The following ZNF804B variants were observed in gnomAD, a reference collection of about 807,000 sequenced individuals.
ZNF804B encodes the protein zinc finger protein 804B.
ZNF804B carries 80 observed loss-of-function variants against 101.4 expected under a neutral mutation model. The ratio of observed to expected loss-of-function variants is 0.79; its 90% CI spans 0.66 to 0.95. The LOEUF is 0.95. ZNF804B is among the 40% of genes least tolerant of loss of function. The probability of loss-of-function intolerance (pLI) is 0.00; values close to 1 mark genes in which losing one functional copy is unlikely to be tolerated. For missense variants in ZNF804B, 1,673 were observed against 1,561.9 expected, an observed-to-expected ratio of 1.07 and a Z score of -1.20; for synonymous variants, 622 against 558.8, an observed-to-expected ratio of 1.11 and a Z score of -1.59.
At chr7:89,326,444 T>C (rs144195233) in intron 2 of ZNF804B, among the ~76,000 whole-genome samples, 1 of 152,210 alleles carries the variant, frequency 6.6e-6, no homozygotes, top group East Asian at 1.9e-4. Flanking sequence ...GTTTTCTCCA[T>C]ACCTGGGAAA....
intron 2 of ZNF804B, among the ~76,000 whole-genome samples, chr7:89,262,655 A>T (rs1789728298): frequency 6.6e-6 from 1 of 152,032 alleles, no homozygotes. Context: ...TTGCATTATG[A>T]GCTACTAGGC....
At chr7:89,055,087 G>C (rs534752039) in intron 1 of ZNF804B, among the ~76,000 whole-genome samples, 1 of 152,224 alleles carries the variant, frequency 6.6e-6, no homozygotes, top group East Asian at 1.9e-4. Flanking sequence ...GTGATGTTAA[G>C]TGTTGACTTA....
intron 1 of ZNF804B, among the ~76,000 whole-genome samples, chr7:88,993,203 T>C (rs1302472266): frequency 2.0e-5 from 3 of 152,050 alleles, no homozygotes; most frequent in Non-Finnish European, 4.4e-5. Flanking sequence ...CTTTGGAATA[T>C]TGTTATATCC....
intron 2 of ZNF804B, among the ~76,000 whole-genome samples, chr7:89,227,102 C>T (rs1364958482): frequency 6.6e-6 from 1 of 152,190 alleles, no homozygotes; most frequent in Non-Finnish European, 1.5e-5. Context: ...CTGGATTACA[C>T]TTCTTGTTTC....
chr7:89,157,190 A>G (rs1468887540), intron 1 of ZNF804B, among the ~76,000 whole-genome samples: 1 of 152,216 alleles, frequency 6.6e-6, no homozygotes, highest in Non-Finnish European at 1.5e-5. Flanking sequence ...TTTAGGTTGG[A>G]CATAGTTAGG....
Position 88,777,287 on chromosome 7 carries a change from T to C in ZNF804B, c.108+17203T>C, listed in dbSNP as rs114387800. ...CCGCCAAAACTCATGAGCGCTAAGA[T>C]GCTAAGGCAGTTGGACACAGAAGCA... On this transcript the variant is annotated intron_variant, in intron 1 of 3. Transcript: ENST00000333190. Among the ~76,000 whole-genome samples, 293 of 152,326 alleles carry C rather than the reference T, an allele frequency of 1.9e-3. 1 individual carries two copies. Among genetic ancestry groups the C allele is most frequent in the African/African-American group, 6.8e-3 (283 of 41,570 alleles).
chr7:88,820,566 A>C (rs73705542), intron 1 of ZNF804B, among the ~76,000 whole-genome samples: 2,009 of 152,258 alleles, frequency 0.013, 49 homozygotes, highest in African/African-American at 0.046. Context: ...GCAGTTGTTA[A>C]GTCACTTGAA....
chr7:89,164,087 T>G (rs1584026175), intron 1 of ZNF804B, among the ~76,000 whole-genome samples: 1 of 152,178 alleles, frequency 6.6e-6, no homozygotes, highest in East Asian at 1.9e-4. Flanking sequence ...GGTTTTAAAA[T>G]GTACCACCGA....
intron 1 of ZNF804B, among the ~76,000 whole-genome samples, chr7:88,775,738 C>G (rs1790131940): frequency 6.6e-6 from 1 of 152,192 alleles, no homozygotes; most frequent in South Asian, 2.1e-4. Context: ...CGAGGCAACT[C>G]TCCTCATTCC....
intron 1 of ZNF804B, among the ~76,000 whole-genome samples, chr7:89,149,280 G>T (rs2116403086): frequency 6.6e-6 from 1 of 152,174 alleles, no homozygotes; most frequent in Non-Finnish European, 1.5e-5. Context: ...TGCCACTCAT[G>T]AACTTACTTG....
At chr7:89,215,883 C>CAAAATAAATAAATAAATAAATAAATAAA in intron 1 of ZNF804B, among the ~76,000 whole-genome samples, 1 of 143,164 alleles carries the variant, frequency 7.0e-6, no homozygotes, top group East Asian at 2.1e-4. Flanking sequence ...GACTCCGTCT[C>CAAAATAAATAAATAAATAAATAAATAAA]TAAATAAATA....
intron 1 of ZNF804B, among the ~76,000 whole-genome samples, chr7:88,807,056 A>C (rs887192364): frequency 2.6e-5 from 4 of 152,210 alleles, no homozygotes; most frequent in African/African-American, 7.2e-5. Context: ...GTGACTTAAA[A>C]AATGAAAAAT....
intron 1 of ZNF804B, among the ~76,000 whole-genome samples, chr7:88,885,549 T>C (rs1396735710): frequency 6.6e-6 from 1 of 151,018 alleles, no homozygotes; most frequent in Non-Finnish European, 1.5e-5. Flanking sequence ...TTTCCTAAGT[T>C]TGGACCATAT....
rs1586890977 is a variant in ZNF804B, at chr7:88,759,815, G to C, written c.-162G>C. Reference sequence around the variant, plus strand: ...GCTGTCGGCAGCAGGAGCCCCGCACGGGGCGCGGAGCAGGGACGCGCTGCC... The same window carrying C: ...GCTGTCGGCAGCAGGAGCCCCGCACCGGGCGCGGAGCAGGGACGCGCTGCC... On this transcript the variant is annotated 5_prime_UTR_variant, in exon 1 of 4. Coordinates refer to ENST00000333190, the MANE Select transcript of ZNF804B (RefSeq NM_181646.5). 3.2e-6 allele frequency: 2 copies of C among 617,352 alleles called. No homozygotes were observed. The highest frequency in any genetic ancestry group is 5.7e-6 in the Non-Finnish European group (2 of 348,504). The allele number at this position is 617,352 out of a possible 1,614,324, so 38.2% of individuals were successfully genotyped here.
intron 1 of ZNF804B, among the ~76,000 whole-genome samples, chr7:89,138,455 A>G (rs1584009192): frequency 6.6e-6 from 1 of 152,164 alleles, no homozygotes; most frequent in Admixed American, 6.5e-5. Context: ...GGGACTTGCC[A>G]TGTCTCAGAT....
intron 1 of ZNF804B, among the ~76,000 whole-genome samples, chr7:88,774,518 T>C (rs916385980): frequency 4.6e-5 from 7 of 152,182 alleles, no homozygotes; most frequent in Admixed American, 6.5e-5. Context: ...TTCTACTCTA[T>C]GGAGGATTCT....
chr7:88,850,799 CAAAA>C (rs1238362401), intron 1 of ZNF804B, among the ~76,000 whole-genome samples: 11 of 151,896 alleles, frequency 7.2e-5, no homozygotes, highest in Admixed American at 7.2e-4. Context: ...GACAAACAAA[CAAAA>C]ACAACAAAAA....
intron 1 of ZNF804B, among the ~76,000 whole-genome samples, chr7:88,994,186 CTTCTTCA>C (rs1793887451): frequency 6.6e-6 from 1 of 151,862 alleles, no homozygotes; most frequent in African/African-American, 2.4e-5. Context: ...TATGCTAACT[CTTCTTCA>C]TTAATTTTTT....
intron 1 of ZNF804B, among the ~76,000 whole-genome samples, chr7:88,974,417 T>A: frequency 6.6e-6 from 1 of 151,298 alleles, no homozygotes; most frequent in East Asian, 2.0e-4. Context: ...AGGTAAAGCA[T>A]GTATCAGTTA....
Sources: gnomAD v4.1 joint callset for allele counts (sites outside exome capture counted in the v4.1 genomes callset) on GRCh38, gnomAD v4.1.1 for gene constraint, MANE v1.5 for transcripts, NCBI Gene and HGNC (gene_info 2026-07-23, HGNC 2026-07-21) for gene names.